C10orf120: variants seen among roughly 807,000 people sequenced by gnomAD.
C10orf120 encodes the protein uncharacterized protein C10orf120.
C10orf120 carries 15 observed loss-of-function variants against 10.8 expected under a neutral mutation model. The observed-to-expected ratio is 1.39, with a 90% confidence interval of 0.93 to 2.14. The LOEUF (loss-of-function observed/expected upper bound fraction) is 2.14, where lower values mean the gene tolerates loss of function less well. Ranked by LOEUF, C10orf120 falls within the 30% of genes most tolerant of loss-of-function variation. C10orf120 has a pLI of 0.00. For synonymous variants in C10orf120, 141 were observed against 138.9 expected (o/e 1.02, Z -0.11); for missense variants, 447 against 411.3 (o/e 1.09, Z -0.75).
rs1591670082 is a variant in C10orf120 at position 122,698,320 on chromosome 10, T to C, written c.421A>G (p.Lys141Glu). 1 of 1,614,246 alleles carries C rather than the reference T, an allele frequency of 6.2e-7. No individual in the cohort carries two copies. Among genetic ancestry groups the C allele is most frequent in the Non-Finnish European group, 8.5e-7 (1 of 1,180,044 alleles). ...SPCAICVPLE[K>E]IWTAKVIAPL... is the part of the protein sequence containing the mutation. Reference sequence around the variant, plus strand: ...GCAATCACCTTTGCTGTCCATATTTTTTCTAGGGGTACACAAATAGCACAA... The same window carrying C: ...GCAATCACCTTTGCTGTCCATATTTCTTCTAGGGGTACACAAATAGCACAA... The change falls in exon 3 of 3, where the codon AAA becomes GAA. Residue 141 changes from lysine (K) to glutamate (E), a missense_variant. Physicochemically the swap from Lys to Glu is moderately conservative, Grantham distance 56. Coordinates refer to ENST00000329446, the MANE Select transcript of C10orf120 (RefSeq NM_001010912.4).
rs754339953 is a variant in C10orf120, at chr10:122,698,044, C to T, written c.697G>A (p.Gly233Arg). 7 of 1,608,278 alleles carry T rather than the reference C, an allele frequency of 4.4e-6. No homozygotes were observed. Among genetic ancestry groups the T allele is most frequent in the Non-Finnish European group, 5.9e-6 (7 of 1,178,764 alleles). Residue 233 changes from glycine to arginine, a missense_variant, in exon 3 of 3, where the codon GGA (glycine) becomes AGA (arginine). Coordinates refer to ENST00000329446, the MANE Select transcript of C10orf120 (RefSeq NM_001010912.4). ...ANQDKKEEAE[G>R]KNTKRREIKM... is the part of the protein sequence containing the mutation. ...ATTTCTCGTCTTTTTGTGTTTTTTCCCTCTGCCTCCTCTTTCTTATCTTGG... is the reference window on the plus strand; with the variant it reads ...ATTTCTCGTCTTTTTGTGTTTTTTCTCTCTGCCTCCTCTTTCTTATCTTGG...
rs761907188 is a variant in C10orf120, at chr10:122,697,925, C to T, written c.816G>A (p.Pro272=). Residue 272 remains proline (P), a synonymous_variant, in exon 3 of 3, where the codon CCG becomes CCA. Coordinates refer to ENST00000329446, the MANE Select transcript of C10orf120 (RefSeq NM_001010912.4). ...DRKSFLPAKK[P]ERSIAGLTNR... ...TTGTTAGGCCTGCGATGGACCGTTC[C>T]GGTTTCTTTGCGGGGAGGAATGATT... The T allele has an allele frequency of 5.3e-5, 85 of 1,613,936 alleles. No homozygotes were observed. The highest frequency in any genetic ancestry group is 6.7e-5 in the Non-Finnish European group (79 of 1,180,014).
In C10orf120 at chr10:122,698,407, G is replaced by T. The variant is rs200845370; in HGVS notation, c.334C>A (p.Leu112Ile). 10 of 1,614,142 alleles carry T rather than the reference G, an allele frequency of 6.2e-6. No homozygotes were observed. In the Admixed American group the frequency reaches 1.7e-4, roughly 27 times the overall value. The change falls in exon 3 of 3, where the codon CTA becomes ATA. Residue 112 changes from leucine (L) to isoleucine (I), a missense_variant. Physicochemically the swap from Leu to Ile is conservative, Grantham distance 5. Transcript: ENST00000329446. ...QEEECRMLKE[L>I]QLLSPDYKQA... Reference sequence around the variant, plus strand: ...TTGTAGTCCGGAGACAGCAACTGTAGTTCCTTGAGCATTCTGCATTCTTCC... The same window carrying T: ...TTGTAGTCCGGAGACAGCAACTGTATTTCCTTGAGCATTCTGCATTCTTCC...
chr10:122,699,552 G>A, intron 1 of C10orf120, 63 bp downstream of exon 1: 1 of 1,507,364 alleles, frequency 6.6e-7, no homozygotes, highest in Non-Finnish European at 9.1e-7. Flanking sequence ...TGTAGCCACT[G>A]GGTAGGCTTC....
Position 122,699,756 on chromosome 10 carries a change from A to G in C10orf120, c.35T>C (p.Ile12Thr), listed in dbSNP as rs144828510. The change falls in exon 1 of 3, where the codon ATT (isoleucine) becomes ACT (threonine). Residue 12 changes from isoleucine (I) to threonine (T), a missense_variant. Coordinates refer to ENST00000329446, the MANE Select transcript of C10orf120 (RefSeq NM_001010912.4). ...IREWKNDCQRIEKQRASDTMV... is the reference protein window; with the variant it reads ...IREWKNDCQRTEKQRASDTMV... ...TGTGTCACTAGCCCTCTGTTTTTCA[A>G]TCCTCTGACAGTCATTCTTCCATTC... 5.5e-5 allele frequency: 88 copies of G among 1,613,662 alleles called. No individual in the cohort carries two copies. The highest frequency in any genetic ancestry group is 1.3e-4 in the Admixed American group (8 of 59,970).
At position 122,698,265 on chromosome 10, in the gene C10orf120, C is replaced by T. The variant is rs756897728; in HGVS notation, c.476G>A (p.Arg159Gln). ...APLEAFKMPQREQVNVSKHIE... is the reference protein window; with the variant it reads ...APLEAFKMPQQEQVNVSKHIE... ...GTGCTTACTGACGTTCACCTGCTCT[C>T]GTTGTGGCATTTTAAATGCCTCCAG... Residue 159 changes from arginine to glutamine, a missense_variant, in exon 3 of 3, where the codon CGA (arginine) becomes CAA (glutamine). Coordinates refer to ENST00000329446, the MANE Select transcript of C10orf120 (RefSeq NM_001010912.4). The T allele has an allele frequency of 2.5e-6, 4 of 1,614,082 alleles. No homozygotes were observed. The highest frequency in any genetic ancestry group is 3.4e-6 in the Non-Finnish European group (4 of 1,180,048).
Position 122,698,094 on chromosome 10 carries a change from T to G in C10orf120, c.647A>C (p.Asp216Ala). The G allele has an allele frequency of 6.2e-7, 1 of 1,613,898 alleles. No homozygotes were observed. Among genetic ancestry groups the G allele is most frequent in the Non-Finnish European group, 8.5e-7 (1 of 1,179,938 alleles). ...GTTGGCATCATCACAATTATGGGTGTCATAGTTGTCTTCCTTTCGTCTGGC... is the reference window on the plus strand; with the variant it reads ...GTTGGCATCATCACAATTATGGGTGGCATAGTTGTCTTCCTTTCGTCTGGC... ...NKARRKEDNY[D>A]THNCDDANQD... Residue 216 changes from aspartate (D) to alanine (A), a missense_variant, in exon 3 of 3, where the codon GAC (aspartate) becomes GCC (alanine). Physicochemically the swap from Asp to Ala is moderately radical, Grantham distance 126. Coordinates refer to ENST00000329446, the MANE Select transcript of C10orf120 (RefSeq NM_001010912.4).
intron 2 of C10orf120, 83 bp from the exon 3 acceptor site, chr10:122,698,571 C>G (rs972825251): frequency 7.7e-6 from 10 of 1,297,786 alleles, no homozygotes; most frequent in Non-Finnish European, 1.1e-5. Context: ...GGCTGGTTCT[C>G]CCTCCATTGT....
intron 2 of C10orf120, 56 bp downstream of exon 2, chr10:122,699,281 G>T (rs1488872489): frequency 7.7e-7 from 1 of 1,293,568 alleles, no homozygotes; most frequent in East Asian, 2.3e-5. Flanking sequence ...GCTCCCTCTA[G>T]CTAAACTGGC....
chr10:122,698,487 C>G lies in C10orf120; in HGVS notation c.254G>C (p.Arg85Pro), dbSNP rs777150337. The G allele has an allele frequency of 1.9e-6, 3 of 1,613,952 alleles. No homozygotes were observed. The highest frequency in any genetic ancestry group is 2.5e-6 in the Non-Finnish European group (3 of 1,179,998). The change falls in exon 3 of 3, where the codon CGT becomes CCT. Residue 85 changes from arginine (R) to proline (P), a missense_variant and splice_region_variant. Coordinates refer to ENST00000329446, the MANE Select transcript of C10orf120 (RefSeq NM_001010912.4). Reference sequence around the variant, plus strand: ...TGCTATGGTGTGAATGCCACCTAGACGCTGACAATGGAGAAAGGACTATTA... The same window carrying G: ...TGCTATGGTGTGAATGCCACCTAGAGGCTGACAATGGAGAAAGGACTATTA... Reference protein sequence around the residue: ...KYSPLEKEILRLGGIHTIAAR... With the variant: ...KYSPLEKEILPLGGIHTIAAR...
In C10orf120 at chr10:122,699,430, G is replaced by T; in HGVS notation, c.177-18C>A. 1 of 1,597,892 alleles carries T rather than the reference G, an allele frequency of 6.3e-7. No individual in the cohort carries two copies. Among genetic ancestry groups the T allele is most frequent in the Non-Finnish European group, 8.6e-7 (1 of 1,165,770 alleles). On this transcript the variant is annotated intron_variant, in intron 1 of 2. Coordinates refer to ENST00000329446, the MANE Select transcript of C10orf120 (RefSeq NM_001010912.4). ...TCCATATCCTGCAAGAAGAGAAGCA[G>T]GAATATCAGAATTCTGGAAAGGCTC... is the stretch of plus-strand genomic sequence containing the variant.
Position 122,699,663 on chromosome 10 carries a change from T to C in C10orf120, c.128A>G (p.Gln43Arg). 1 of 1,613,996 alleles carries C rather than the reference T, an allele frequency of 6.2e-7. No individual in the cohort carries two copies. The highest frequency in any genetic ancestry group is 1.1e-5 in the South Asian group (1 of 91,034). Reference sequence around the variant, plus strand: ...ATCCTCTTGGCAACACGTTGGGGCTTGATCCTGAAAGGAAGAGTTGGTATT... The same window carrying C: ...ATCCTCTTGGCAACACGTTGGGGCTCGATCCTGAAAGGAAGAGTTGGTATT... Reference protein sequence around the residue: ...IFNTNSSFQDQAPTCCQEDLS... With the variant: ...IFNTNSSFQDRAPTCCQEDLS... The change falls in exon 1 of 3, where the codon CAA becomes CGA. Residue 43 changes from glutamine (Q) to arginine (R), a missense_variant. Gln to Arg is a conservative substitution (Grantham distance 43). Coordinates refer to ENST00000329446, the MANE Select transcript of C10orf120 (RefSeq NM_001010912.4).
rs1280965038 is a variant in C10orf120, at chr10:122,697,819, AG to A, written c.921del (p.Phe308SerfsTer?). On this transcript the variant is annotated frameshift_variant, in exon 3 of 3. Coordinates refer to ENST00000329446, the MANE Select transcript of C10orf120 (RefSeq NM_001010912.4). LOFTEE classifies it low-confidence loss of function (END_TRUNC). Reference protein sequence around the residue: ...MNQDFISRRDHFSDLVKTYSL... With the variant: ...MNQDFISRRDXFSDLVKTYSL... The stretch of plus-strand genomic sequence containing the variant: ...CTGTAGGTCTTGACCAGATCACTGA[AG>A]TGGTCTCTCCGTGATATAAAATCCT... 6.2e-7 allele frequency: 1 copy of A among 1,613,692 alleles called. No individual in the cohort carries two copies. The highest frequency in any genetic ancestry group is 8.5e-7 in the Non-Finnish European group (1 of 1,179,712).
At position 122,699,604 on chromosome 10, in the gene C10orf120, G is replaced by GTCAGAC; in HGVS notation, c.176+5_176+10dup. The GTCAGAC allele has an allele frequency of 6.3e-7, 1 of 1,597,312 alleles. No individual in the cohort carries two copies. The highest frequency in any genetic ancestry group is 8.5e-7 in the Non-Finnish European group (1 of 1,171,054). On this transcript the variant is annotated intron_variant, in intron 1 of 2. Transcript: ENST00000329446. ...CTGACATGGACAGACTAAAGTGCAA[G>GTCAGAC]TCAGACTCACCGCAACGGTGAAGCA...
At position 122,699,623 on chromosome 10, in the gene C10orf120, T is replaced by C. The variant is rs11813597; in HGVS notation, c.168A>G (p.Ser56=). ...GTGCAAGTCAGACTCACCGCAACGG[T>C]GAAGCAGAACTCAGATCCTCTTGGC... is the stretch of plus-strand genomic sequence containing the variant. ...TCCQEDLSSA[S]PLRIWSKFYR... Residue 56 remains serine, a synonymous_variant, in exon 1 of 3, where the codon TCA becomes TCG. Transcript: ENST00000329446. The C allele has an allele frequency of 0.42, 682,763 of 1,606,564 alleles. 146,659 individuals are homozygous for C. Among genetic ancestry groups the C allele is most frequent in the South Asian group, 0.52 (46,237 of 89,730 alleles).
At chr10:122,699,104 G>T (rs1008716344) in intron 2 of C10orf120, among the ~76,000 whole-genome samples, 12 of 128,846 alleles carry the variant, frequency 9.3e-5, no homozygotes, top group Non-Finnish European at 1.2e-4. Flanking sequence ...ACTGCAGTCC[G>T]CAGTCCGGCC....
chr10:122,699,247 T>C, intron 2 of C10orf120, 90 bp downstream of exon 2: 1 of 787,990 alleles, frequency 1.3e-6, no homozygotes, highest in Non-Finnish European at 2.2e-6. Flanking sequence ...GGCAGCTCTG[T>C]TACTGGTGGC....
Position 122,699,783 on chromosome 10 carries a change from C to A in C10orf120, c.8G>T (p.Arg3Ile). The A allele has an allele frequency of 1.2e-6, 2 of 1,611,844 alleles. No homozygotes were observed. The highest frequency in any genetic ancestry group is 1.7e-6 in the Non-Finnish European group (2 of 1,178,902). Residue 3 changes from arginine (R) to isoleucine (I), a missense_variant, in exon 1 of 3, where the codon AGA becomes ATA. Transcript: ENST00000329446. Reference sequence around the variant, plus strand: ...CCTCTGACAGTCATTCTTCCATTCTCTGATCATACTCCGGCAATAAGCTAG... The same window carrying A: ...CCTCTGACAGTCATTCTTCCATTCTATGATCATACTCCGGCAATAAGCTAG... MI[R>I]EWKNDCQRIE...
Position 122,698,207 on chromosome 10 carries a change from T to C in C10orf120, c.534A>G (p.Gly178=), listed in dbSNP as rs770441464. 1.9e-6 allele frequency: 3 copies of C among 1,613,706 alleles called. No individual in the cohort carries two copies. Among genetic ancestry groups the C allele is most frequent in the South Asian group, 2.2e-5 (2 of 90,978 alleles). ...IERMRLARAL[G]NHQPLPYIER... Reference sequence around the variant, plus strand: ...CAATGTAGGGTAAAGGCTGATGATTTCCCAGAGCCCGAGCAAGCCTCATCC... The same window carrying C: ...CAATGTAGGGTAAAGGCTGATGATTCCCCAGAGCCCGAGCAAGCCTCATCC... The change falls in exon 3 of 3, where the codon GGA becomes GGG. Residue 178 remains glycine (G), a synonymous_variant. Coordinates refer to ENST00000329446, the MANE Select transcript of C10orf120 (RefSeq NM_001010912.4).
Sources: allele counts gnomAD v4.1 joint callset (sites outside exome capture counted in the v4.1 genomes callset), GRCh38; gene constraint gnomAD v4.1.1; transcripts MANE v1.5; gene names NCBI Gene and HGNC (gene_info 2026-07-23, HGNC 2026-07-21).